The following FHIT variants were observed in gnomAD, a reference collection of about 807,000 sequenced individuals.
FHIT encodes the protein bis(5'-adenosyl)-triphosphatase.
A neutral mutation model predicts 17.9 loss-of-function variants in FHIT; 19 were observed. The observed-to-expected ratio is 1.06, with a 90% CI of 0.74 to 1.56. FHIT has a LOEUF of 1.56. Ranked by LOEUF, FHIT falls within the 40% of genes most tolerant of loss-of-function variation. FHIT has a pLI of 0.00. For missense variants in FHIT, 248 were observed against 189.2 expected, an observed-to-expected ratio of 1.31 and a Z score of -1.82; for synonymous variants, 81 against 69.7, an observed-to-expected ratio of 1.16 and a Z score of -0.81.
At chr3:60,950,480 T>C (rs375211019) in intron 3 of FHIT, among the ~76,000 whole-genome samples, 1 of 140,652 alleles carries the variant, frequency 7.1e-6, no homozygotes, top group Non-Finnish European at 1.6e-5. Flanking sequence ...GTAGGGCTTT[T>C]TTTTCTTTTT....
chr3:60,704,020 A>G (rs2041309827), intron 4 of FHIT, among the ~76,000 whole-genome samples: 1 of 152,126 alleles, frequency 6.6e-6, no homozygotes, highest in South Asian at 2.1e-4. Context: ...CCGTACCAGT[A>G]TTGATTGGCA....
chr3:59,899,109 G>A (rs1014872745), intron 8 of FHIT, among the ~76,000 whole-genome samples: 10 of 152,130 alleles, frequency 6.6e-5, no homozygotes, highest in African/African-American at 2.2e-4. Flanking sequence ...TTTAGACCCA[G>A]AGCACAAGAC....
chr3:60,322,761 TAAAG>T (rs750034910), intron 5 of FHIT, among the ~76,000 whole-genome samples: 1 of 152,162 alleles, frequency 6.6e-6, no homozygotes, highest in Admixed American at 6.5e-5. Context: ...TTATAGATGA[TAAAG>T]AAAGAGGTAG....
At chr3:60,347,689 G>GGGGGGGGT (rs1553750581) in intron 5 of FHIT, among the ~76,000 whole-genome samples, 1 of 85,304 alleles carries the variant, frequency 1.2e-5, no homozygotes, top group Non-Finnish European at 2.4e-5. Flanking sequence ...GGGGGGGGGG[G>GGGGGGGGT]TTTGTTTTTT....
chr3:60,917,540 C>A (rs1336502734), intron 3 of FHIT, among the ~76,000 whole-genome samples: 3 of 152,160 alleles, frequency 2.0e-5, no homozygotes, highest in Non-Finnish European at 2.9e-5. Context: ...CCATCTACCA[C>A]TTCTTTCTCC....
At chr3:59,949,013 T>C (rs766611736) in intron 7 of FHIT, among the ~76,000 whole-genome samples, 1 of 152,274 alleles carries the variant, frequency 6.6e-6, no homozygotes. Flanking sequence ...TAGGACCCAA[T>C]AGTTGGTTTT....
chr3:60,462,172 T>C (rs556000918), intron 5 of FHIT, among the ~76,000 whole-genome samples: 15 of 152,276 alleles, frequency 9.9e-5, no homozygotes, highest in Admixed American at 6.5e-4. Flanking sequence ...AGGATGATCA[T>C]TACATCAAAT....
At chr3:60,071,324 C>T (rs559134693) in intron 5 of FHIT, among the ~76,000 whole-genome samples, 4 of 152,158 alleles carry the variant, frequency 2.6e-5, no homozygotes, top group African/African-American at 4.8e-5. Context: ...TTAGATATAT[C>T]GAGTTTTAAC....
chr3:60,366,608 T>C (rs774531369), intron 5 of FHIT, among the ~76,000 whole-genome samples: 60 of 152,152 alleles, frequency 3.9e-4, no homozygotes, highest in Non-Finnish European at 7.6e-4. Context: ...GTTAGTGATG[T>C]TGGGAATGGC....
In FHIT at chr3:60,683,508, A is replaced by C. The variant is rs139542851; in HGVS notation, c.-18+138411T>G. Reference sequence around the variant, plus strand: ...TGATCACCAGTATTTTTAGCAAAAAAAATTTTTAAATTAAGATAACATATT... The same window carrying C: ...TGATCACCAGTATTTTTAGCAAAAACAATTTTTAAATTAAGATAACATATT... On this transcript the variant is annotated intron_variant, in intron 4 of 9. Transcript: ENST00000492590. Among the ~76,000 whole-genome samples the C allele has an allele frequency of 2.1e-4, 25 of 121,298 alleles. No homozygotes were observed. The East Asian group carries it at 5.1e-3, about 25-fold the overall frequency. 79.6% of individuals were successfully genotyped at this position (121,298 alleles called of 152,430 possible).
chr3:60,330,055 C>T (rs1399262314), intron 5 of FHIT, among the ~76,000 whole-genome samples: 1 of 152,152 alleles, frequency 6.6e-6, no homozygotes. Context: ...TGGATGTTGG[C>T]TTTCATGATC....
chr3:61,238,209 G>C (rs1470435300), intron 1 of FHIT, among the ~76,000 whole-genome samples: 1 of 152,192 alleles, frequency 6.6e-6, no homozygotes, highest in African/African-American at 2.4e-5. Context: ...TGCAAATTCA[G>C]AGAAATAGTA....
intron 8 of FHIT, among the ~76,000 whole-genome samples, chr3:59,840,289 C>T (rs946257092): frequency 2.0e-5 from 3 of 151,850 alleles, no homozygotes; most frequent in Non-Finnish European, 4.4e-5. Context: ...AGGTTACCAA[C>T]TCAGACACCT....
chr3:60,294,266 T>C (rs1708110506), intron 5 of FHIT, among the ~76,000 whole-genome samples: 1 of 152,162 alleles, frequency 6.6e-6, no homozygotes, highest in African/African-American at 2.4e-5. Context: ...AGATTCACTC[T>C]TGCATGTCCA....
chr3:60,329,019 T>G (rs1709835050), intron 5 of FHIT, among the ~76,000 whole-genome samples: 1 of 152,208 alleles, frequency 6.6e-6, no homozygotes, highest in Admixed American at 6.5e-5. Context: ...CCAGCAACTT[T>G]AACAACAACC....
chr3:60,390,672 C>T (rs1036378969), intron 5 of FHIT, among the ~76,000 whole-genome samples: 1 of 151,558 alleles, frequency 6.6e-6, no homozygotes, highest in Admixed American at 6.6e-5. Flanking sequence ...CCTGACCTGG[C>T]GCACGCCTAG....
At chr3:60,619,748 T>C (rs1320204416) in intron 4 of FHIT, among the ~76,000 whole-genome samples, 1 of 151,920 alleles carries the variant, frequency 6.6e-6, no homozygotes, top group African/African-American at 2.4e-5. Flanking sequence ...GTTCAGCTGA[T>C]CTTGAGCATG....
chr3:60,098,504 T>A lies in FHIT; in HGVS notation c.104-84352A>T, dbSNP rs888251036. ...TTTTTTCATGTGTTTTTTGGCTGCA[T>A]AAATGTCTTCTTTTGAGAAATGTCT... On this transcript the variant is annotated intron_variant, in intron 5 of 9. Transcript: ENST00000492590. Among the ~76,000 whole-genome samples, 197 of 152,270 alleles carry A rather than the reference T, an allele frequency of 1.3e-3. 1 individual carries two copies. The highest frequency in any genetic ancestry group is 1.9e-3 in the Non-Finnish European group (130 of 67,994).
At chr3:61,148,055 A>C (rs1228879451) in intron 2 of FHIT, among the ~76,000 whole-genome samples, 1 of 151,772 alleles carries the variant, frequency 6.6e-6, no homozygotes, top group Non-Finnish European at 1.5e-5. Context: ...GTTTAAAAAA[A>C]AAAACAAAAA....
Sources: allele counts gnomAD v4.1 joint callset (sites outside exome capture counted in the v4.1 genomes callset), GRCh38; gene constraint gnomAD v4.1.1; transcripts MANE v1.5; gene names NCBI Gene and HGNC (gene_info 2026-07-23, HGNC 2026-07-21).